The following AKR1C8 variants were observed in gnomAD, a reference collection of about 807,000 sequenced individuals.
AKR1C8 encodes aldo-keto reductase family 1 member C-like protein 1.
At chr10:5,163,190 T>A in the AKR1C8 span, among the ~76,000 whole-genome samples, 1 of 152,216 alleles carries the variant, frequency 6.6e-6, no homozygotes, top group Admixed American at 6.5e-5. Flanking sequence ...AACTCCAGTA[T>A]AACTTCTATT....
At chr10:5,121,986 C>G in the AKR1C8 span, 10 of 223,002 alleles carry the variant, frequency 4.5e-5, no homozygotes, top group Non-Finnish European at 2.8e-5. Context: ...TCACCCCATG[C>G]CTGAATTCAG....
chr10:5,120,736 C>T, the AKR1C8 span, among the ~76,000 whole-genome samples: 3 of 152,056 alleles, frequency 2.0e-5, no homozygotes, highest in Non-Finnish European at 2.9e-5. Context: ...TATGGTTTCA[C>T]AAAAAGAAGA....
At chr10:5,175,230 G>T in the AKR1C8 span, among the ~76,000 whole-genome samples, 1 of 150,362 alleles carries the variant, frequency 6.7e-6, no homozygotes, top group Non-Finnish European at 1.5e-5. Flanking sequence ...GCGATGTTTG[G>T]TTTTTTGTCC....
chr10:5,128,346 A>G, the AKR1C8 span, among the ~76,000 whole-genome samples: 4 of 152,158 alleles, frequency 2.6e-5, no homozygotes, highest in African/African-American at 9.6e-5. Flanking sequence ...CATAAAACTC[A>G]CAAATCCTAT....
At chr10:5,180,410 G>T in the AKR1C8 span, among the ~76,000 whole-genome samples, 1 of 152,218 alleles carries the variant, frequency 6.6e-6, no homozygotes, top group South Asian at 2.1e-4. Flanking sequence ...CAGTTAGGCT[G>T]CTCGGGGGTT....
At chr10:5,131,561 C>A in the AKR1C8 span, among the ~76,000 whole-genome samples, 1 of 151,780 alleles carries the variant, frequency 6.6e-6, no homozygotes, top group African/African-American at 2.4e-5. Context: ...ATACAAACAG[C>A]CAACAAACAT....
chr10:5,180,395 C>T, the AKR1C8 span, among the ~76,000 whole-genome samples: 48 of 152,318 alleles, frequency 3.2e-4, no homozygotes, highest in African/African-American at 1.2e-3. Context: ...CTGGGGGCTG[C>T]CTCCCAGTTA....
the AKR1C8 span, among the ~76,000 whole-genome samples, chr10:5,160,644 C>T: frequency 6.6e-6 from 1 of 152,146 alleles, no homozygotes; most frequent in Non-Finnish European, 1.5e-5. Context: ...ACTGTAGAGG[C>T]CATCTCATTC....
the AKR1C8 span, among the ~76,000 whole-genome samples, chr10:5,165,784 G>C: frequency 3.3e-5 from 5 of 152,056 alleles, no homozygotes; most frequent in Admixed American, 2.6e-4. Flanking sequence ...TTCATTAAAG[G>C]GTCTTACCCA....
chr10:5,119,334 G>A, the AKR1C8 span, among the ~76,000 whole-genome samples: 1 of 152,054 alleles, frequency 6.6e-6, no homozygotes, highest in Non-Finnish European at 1.5e-5. Context: ...TGAAATTTTT[G>A]AATAATATTT....
chr10:5,164,943 A>T, the AKR1C8 span, among the ~76,000 whole-genome samples: 1 of 152,160 alleles, frequency 6.6e-6, no homozygotes, highest in South Asian at 2.1e-4. Context: ...TTCTTTGTAT[A>T]TAATGTTATA....
At chr10:5,148,394 T>A in the AKR1C8 span, among the ~76,000 whole-genome samples, 1 of 152,096 alleles carries the variant, frequency 6.6e-6, no homozygotes, top group African/African-American at 2.4e-5. Flanking sequence ...CAGGCAGATA[T>A]CAATCTATTA....
At chr10:5,140,494 G>T in the AKR1C8 span, among the ~76,000 whole-genome samples, 1 of 152,126 alleles carries the variant, frequency 6.6e-6, no homozygotes, top group Non-Finnish European at 1.5e-5. Flanking sequence ...CATGTCCTTT[G>T]TAGGGACATG....
chr10:5,181,101 C>T, the AKR1C8 span, among the ~76,000 whole-genome samples: 1 of 152,196 alleles, frequency 6.6e-6, no homozygotes, highest in South Asian at 2.1e-4. Context: ...GAGGTGTAGA[C>T]CAGAGCTGTT....
chr10:5,179,731 C>T, the AKR1C8 span, among the ~76,000 whole-genome samples: 11 of 152,212 alleles, frequency 7.2e-5, no homozygotes, highest in South Asian at 2.1e-4. Context: ...GTTTCATCTT[C>T]CATCACTGAT....
At chr10:5,119,130 A>G in the AKR1C8 span, among the ~76,000 whole-genome samples, 5 of 152,168 alleles carry the variant, frequency 3.3e-5, no homozygotes, top group Non-Finnish European at 7.4e-5. Flanking sequence ...AGGCATTTAC[A>G]TTTTATTTCA....
the AKR1C8 span, among the ~76,000 whole-genome samples, chr10:5,116,658 T>A: frequency 8.5e-5 from 13 of 152,148 alleles, no homozygotes; most frequent in Non-Finnish European, 1.9e-4. Flanking sequence ...TAATCACACA[T>A]CTGGTCATTT....
the AKR1C8 span, among the ~76,000 whole-genome samples, chr10:5,137,880 G>T: frequency 6.6e-6 from 1 of 152,084 alleles, no homozygotes; most frequent in African/African-American, 2.4e-5. Flanking sequence ...GGGAGGGGGT[G>T]TAAGAACAGG....
chr10:5,145,849 T>C, the AKR1C8 span, among the ~76,000 whole-genome samples: 355 of 152,236 alleles, frequency 2.3e-3, 4 homozygotes, highest in African/African-American at 8.1e-3. Flanking sequence ...CATTACTGGG[T>C]ATATACCCAA....
Sources: allele counts gnomAD v4.1 joint callset (sites outside exome capture counted in the v4.1 genomes callset), GRCh38; gene constraint gnomAD v4.1.1; transcripts MANE v1.5; gene names NCBI Gene and HGNC (gene_info 2026-07-23, HGNC 2026-07-21).